The following CRY2 variants were observed in gnomAD, a reference collection of about 807,000 sequenced individuals.
CRY2 encodes cryptochrome-2.
In CRY2, 31 loss-of-function variants were observed where a neutral mutation model predicts 69.5. That is an observed-to-expected ratio of 0.45 (90% CI 0.34 to 0.60). The LOEUF is 0.60. CRY2 is among the 20% of genes least tolerant of loss of function. The probability of loss-of-function intolerance (pLI) is 0.02; values close to 1 mark genes in which losing one functional copy is unlikely to be tolerated. For synonymous variants in CRY2, 303 were observed against 312.2 expected (o/e 0.97, Z 0.31); for missense variants, 606 against 797.8 (o/e 0.76, Z 2.90).
At position 45,870,130 on chromosome 11, in the gene CRY2, C is replaced by T. The variant is rs1190150472; in HGVS notation, c.1272C>T (p.Phe424=). 1 of 1,613,928 alleles carries T rather than the reference C, an allele frequency of 6.2e-7. No homozygotes were observed. Among genetic ancestry groups the T allele is most frequent in the Admixed American group, 1.7e-5 (1 of 60,012 alleles). Reference sequence around the variant, plus strand: ...GGATGTGGCTGTCCTGCAGTGCTTTCTTCCAGCAGTTCTTCCACTGCTACT... The same window carrying T: ...GGATGTGGCTGTCCTGCAGTGCTTTTTTCCAGCAGTTCTTCCACTGCTACT... ...GSWMWLSCSA[F]FQQFFHCYCP... Residue 424 remains phenylalanine (F), a synonymous_variant, in exon 8 of 12, where the codon TTC becomes TTT. Transcript: ENST00000616080.
chr11:45,847,138 C>A (rs2086154553), upstream of CRY2: 10 of 1,523,568 alleles, frequency 6.6e-6, no homozygotes, highest in East Asian at 2.5e-4. Flanking sequence ...AGAAGCAGGC[C>A]CTGAACAGGA....
intron 3 of CRY2, among the ~76,000 whole-genome samples, chr11:45,860,386 T>TAAA (rs34068985): frequency 4.7e-4 from 61 of 130,436 alleles, no homozygotes; most frequent in African/African-American, 7.4e-4. Flanking sequence ...ATGTTAGAGT[T>TAAA]AAAAAAAAAA....
Position 45,858,680 on chromosome 11 carries a change from C to T in CRY2, c.325-51C>T. On this transcript the variant is annotated intron_variant, in intron 2 of 11. Transcript: ENST00000616080. ...CAGGAAGGAACTGAGAGTCCAGCTT[C>T]CCCCTCCTCCCCAAACACAGTGTTG... 8 of 1,567,776 alleles carry T rather than the reference C, an allele frequency of 5.1e-6. No homozygotes were observed. In the East Asian group the frequency reaches 9.1e-5, roughly 18 times the overall value.
intron 1 of CRY2, among the ~76,000 whole-genome samples, chr11:45,851,586 C>T (rs1399065908): frequency 6.6e-6 from 1 of 152,024 alleles, no homozygotes; most frequent in African/African-American, 2.4e-5. Context: ...TTTCTGTTTG[C>T]CCAAAGGGGA....
At chr11:45,860,077 C>T (rs780254594) in intron 3 of CRY2, among the ~76,000 whole-genome samples, 7 of 152,180 alleles carry the variant, frequency 4.6e-5, no homozygotes, top group African/African-American at 7.2e-5. Flanking sequence ...AGAAGAGCCC[C>T]GGGAATGTGG....
rs2086280865 is a variant in CRY2, at chr11:45,860,715, C to G, written c.468-133C>G. The G allele has an allele frequency of 8.6e-6, 8 of 930,896 alleles. No homozygotes were observed. In the Middle Eastern group the frequency reaches 7.1e-4, roughly 82 times the overall value. The allele number at this position is 930,896 out of a possible 1,614,324, so 57.7% of individuals were successfully genotyped here. A position where few individuals can be genotyped will look rare whatever the true frequency, so the allele number is the denominator to read the frequency against. On this transcript the variant is annotated intron_variant, in intron 3 of 11. Transcript: ENST00000616080. Reference sequence around the variant, plus strand: ...CCTCCCTTGCCCCCTCCTTTCCACTCAGGCATGGGACCTGTGAGTGGATGA... The same window carrying G: ...CCTCCCTTGCCCCCTCCTTTCCACTGAGGCATGGGACCTGTGAGTGGATGA...
intron 11 of CRY2, among the ~76,000 whole-genome samples, chr11:45,879,909 A>G (rs948323731): frequency 1.8e-4 from 27 of 152,160 alleles, no homozygotes; most frequent in Admixed American, 3.3e-4. Context: ...ATGTCTTCAC[A>G]TGGTCTTCCC....
At chr11:45,868,301 G>A (rs1182049859) in intron 6 of CRY2, among the ~76,000 whole-genome samples, 2 of 152,190 alleles carry the variant, frequency 1.3e-5, no homozygotes, top group African/African-American at 4.8e-5. Context: ...GGGCAACACA[G>A]TCAGCATTCA....
intron 2 of CRY2, among the ~76,000 whole-genome samples, chr11:45,857,784 A>G (rs751056796): frequency 6.6e-6 from 1 of 152,244 alleles, no homozygotes; most frequent in East Asian, 1.9e-4. Flanking sequence ...TGTAACCTAT[A>G]TGAACTATAA....
intron 6 of CRY2, among the ~76,000 whole-genome samples, chr11:45,868,630 A>G (rs1372271691): frequency 1.1e-4 from 16 of 151,562 alleles, no homozygotes; most frequent in Non-Finnish European, 1.5e-5. Flanking sequence ...TTGTGTCTAC[A>G]TTTGTTTTTT....
In CRY2 at chr11:45,870,214, C is replaced by T; in HGVS notation, c.1346+10C>T. On this transcript the variant is annotated intron_variant, in intron 8 of 11. Transcript: ENST00000616080. ...GTGGGGACTACATCAGGTGAGGATA[C>T]AGACCAGGCTCTCTGGCCTCTGACC... 6.2e-7 allele frequency: 1 copy of T among 1,610,450 alleles called. No homozygotes were observed. The highest frequency in any genetic ancestry group is 8.5e-7 in the Non-Finnish European group (1 of 1,177,762).
chr11:45,851,121 G>A (rs1166774561), intron 1 of CRY2, among the ~76,000 whole-genome samples: 1 of 151,842 alleles, frequency 6.6e-6, no homozygotes, highest in Non-Finnish European at 1.5e-5. Flanking sequence ...CTAGAAGGAG[G>A]TACTGCAGCA....
intron 10 of CRY2, 41 bp downstream of exon 10, chr11:45,870,975 T>A: frequency 6.6e-7 from 1 of 1,516,344 alleles, no homozygotes; most frequent in Non-Finnish European, 9.0e-7. Context: ...TCCTGTGGCC[T>A]GTGCCACCAC....
At chr11:45,873,652 G>A (rs1280767590) in intron 11 of CRY2, among the ~76,000 whole-genome samples, 3 of 152,170 alleles carry the variant, frequency 2.0e-5, no homozygotes, top group Non-Finnish European at 4.4e-5. Flanking sequence ...GTGAAGAAGG[G>A]GGAGCATTAA....
At chr11:45,867,908 G>A (rs1384857752) in intron 6 of CRY2, 156 bp downstream of exon 6, 5 of 947,280 alleles carry the variant, frequency 5.3e-6, no homozygotes, top group South Asian at 1.7e-5. Context: ...GAGGAGAGAA[G>A]ACTCAATATC....
intron 1 of CRY2, among the ~76,000 whole-genome samples, chr11:45,854,990 C>G (rs1299408351): frequency 1.3e-5 from 2 of 152,180 alleles, no homozygotes; most frequent in Non-Finnish European, 2.9e-5. Flanking sequence ...CTACTATGTA[C>G]CACTTTGTCA....
intron 11 of CRY2, among the ~76,000 whole-genome samples, chr11:45,876,478 C>A (rs1310612289): frequency 1.3e-5 from 2 of 152,240 alleles, no homozygotes; most frequent in Non-Finnish European, 2.9e-5. Flanking sequence ...CCATAATCCC[C>A]AAAGCTGCTG....
intron 5 of CRY2, among the ~76,000 whole-genome samples, chr11:45,866,946 AC>A (rs1232210485): frequency 6.6e-6 from 1 of 151,762 alleles, no homozygotes; most frequent in African/African-American, 2.4e-5. Flanking sequence ...CAAGAGCAAA[AC>A]TCTGTCTCAA....
chr11:45,872,040 C>T, intron 10 of CRY2, 52 bp from the exon 11 acceptor site: 1 of 1,602,550 alleles, frequency 6.2e-7, no homozygotes, highest in South Asian at 1.1e-5. Flanking sequence ...AGTGTGGGAT[C>T]ATTTTGGCTG....
Sources: allele counts gnomAD v4.1 joint callset (sites outside exome capture counted in the v4.1 genomes callset), GRCh38; gene constraint gnomAD v4.1.1; transcripts MANE v1.5; gene names NCBI Gene and HGNC (gene_info 2026-07-23, HGNC 2026-07-21).